The following PVT1 variants were observed in gnomAD, a reference collection of about 807,000 sequenced individuals.
PVT1 encodes Pvt1 oncogene, also known as CXCR4/PVT1 fusion.
chr8:128,004,092 T>C (rs1162971861), intron 4 of PVT1, among the ~76,000 whole-genome samples: 2 of 152,202 alleles, frequency 1.3e-5, no homozygotes, highest in Admixed American at 6.5e-5. Context: ...GGACCTCGTT[T>C]AACCTTACCA....
chr8:128,044,703 A>C (rs1324949614), intron 4 of PVT1, among the ~76,000 whole-genome samples: 2 of 152,260 alleles, frequency 1.3e-5, no homozygotes, highest in Non-Finnish European at 2.9e-5. Flanking sequence ...CAAGGATTTG[A>C]GATGTTCAAT....
intron 1 of PVT1, chr8:127,795,685 G>A: frequency 6.6e-6 from 1 of 152,238 alleles, no homozygotes; most frequent in Non-Finnish European, 1.5e-5. Context: ...TGTGTGGTGG[G>A]TGGGCGGGGG....
Position 128,022,885 on chromosome 8 carries a change from A to T in PVT1, n.912+33594A>T, listed in dbSNP as rs957147325. ...AGATTTTTTTTTTTTTTTTTTTTTTAAGACAGAGTCCCGCTCTGTGGCCCA... is the reference window on the plus strand; with the variant it reads ...AGATTTTTTTTTTTTTTTTTTTTTTTAGACAGAGTCCCGCTCTGTGGCCCA... On this transcript the variant is annotated intron_variant and non_coding_transcript_variant, in intron 4 of 10. Coordinates refer to ENST00000651587, the Ensembl canonical transcript of PVT1. Among the ~76,000 whole-genome samples, 32 of 116,630 alleles carry T rather than the reference A, an allele frequency of 2.7e-4. No individual in the cohort carries two copies. In the East Asian group the frequency reaches 6.7e-3, roughly 24 times the overall value. The allele number at this position is 116,630 out of a possible 152,430, so 76.5% of individuals were successfully genotyped here.
At chr8:127,975,977 T>TC (rs1314385981) in intron 3 of PVT1, among the ~76,000 whole-genome samples, 4 of 152,252 alleles carry the variant, frequency 2.6e-5, no homozygotes, top group African/African-American at 9.6e-5. Flanking sequence ...CCTGGAGCCC[T>TC]CCCTAGCTCT....
intron 3 of PVT1, among the ~76,000 whole-genome samples, chr8:127,907,300 C>T (rs1815835044): frequency 1.3e-5 from 2 of 152,200 alleles, no homozygotes; most frequent in South Asian, 2.1e-4. Flanking sequence ...GTTTCCAGAC[C>T]GCCTGCTTCC....
At chr8:128,093,127 C>G (rs1392265249) in intron 5 of PVT1, among the ~76,000 whole-genome samples, 3 of 152,100 alleles carry the variant, frequency 2.0e-5, no homozygotes, top group African/African-American at 7.2e-5. Context: ...TGCCATGTTC[C>G]TTAAGGAAAA....
At chr8:127,850,076 A>G (rs1490432434) in intron 2 of PVT1, among the ~76,000 whole-genome samples, 2 of 151,438 alleles carry the variant, frequency 1.3e-5, no homozygotes, top group Non-Finnish European at 2.9e-5. Flanking sequence ...CTGCTTGCAT[A>G]TGCATGGGTA....
chr8:127,822,480 G>A (rs1814744533), intron 2 of PVT1, among the ~76,000 whole-genome samples: 1 of 152,190 alleles, frequency 6.6e-6, no homozygotes, highest in African/African-American at 2.4e-5. Context: ...GGGAGACTGA[G>A]GCACAAGAAT....
At chr8:128,065,200 A>T (rs77947889) in intron 4 of PVT1, among the ~76,000 whole-genome samples, 13,663 of 50,318 alleles carry the variant, frequency 0.27, 1,508 homozygotes, top group African/African-American at 0.47. Flanking sequence ...TTTATTTTTT[A>T]TTTTTTTTTG....
chr8:128,063,845 A>G (rs1813863899), intron 4 of PVT1, among the ~76,000 whole-genome samples: 2 of 152,212 alleles, frequency 1.3e-5, no homozygotes, highest in African/African-American at 4.8e-5. Context: ...GTGGATGTAA[A>G]GTGTTCTTAC....
At chr8:128,054,851 G>A (rs910352465) in intron 4 of PVT1, among the ~76,000 whole-genome samples, 1 of 152,176 alleles carries the variant, frequency 6.6e-6, no homozygotes, top group Admixed American at 6.5e-5. Context: ...TTAAACACCA[G>A]TCCAGATGTC....
In PVT1 at chr8:127,922,579, C is replaced by G. The variant is rs865892749; in HGVS notation, n.782+31581C>G. 6.6e-5 allele frequency among the ~76,000 whole-genome samples: 10 copies of G among 152,300 alleles called. 1 individual carries two copies. The Middle Eastern group carries it at 0.02, about 311-fold the overall frequency. On this transcript the variant is annotated intron_variant and non_coding_transcript_variant, in intron 3 of 10. Transcript: ENST00000651587. Reference sequence around the variant, plus strand: ...TCTGAGCTACCTTCCTACCTCCATCCTTGCATTCATTAGGGGTTTCTTTAT... The same window carrying G: ...TCTGAGCTACCTTCCTACCTCCATCGTTGCATTCATTAGGGGTTTCTTTAT...
intron 2 of PVT1, among the ~76,000 whole-genome samples, chr8:127,865,183 T>G (rs980560092): frequency 6.6e-6 from 1 of 151,882 alleles, no homozygotes; most frequent in African/African-American, 2.4e-5. Context: ...GATGGGGAGG[T>G]GGTTGAAATC....
At chr8:127,880,891 G>A (rs529180798) in intron 2 of PVT1, among the ~76,000 whole-genome samples, 3 of 152,320 alleles carry the variant, frequency 2.0e-5, no homozygotes, top group Admixed American at 6.5e-5. Flanking sequence ...GAGCCACTGC[G>A]CTCAGCTTTC....
rs548854790 is a variant in PVT1 at position 127,999,579 on chromosome 8, A to C, written n.912+10288A>C. Among the ~76,000 whole-genome samples the C allele has an allele frequency of 5.3e-4, 80 of 151,934 alleles. 1 individual carries two copies. The highest frequency in any genetic ancestry group is 1.8e-3 in the African/African-American group (76 of 41,434). On this transcript the variant is annotated intron_variant and non_coding_transcript_variant, in intron 4 of 10. Transcript: ENST00000651587. ...CAGGTTCAAGCGATCCTCCTGCGTC[A>C]GCCTCCCGAGTAGCTGGGATTACAG...
chr8:127,980,133 C>G (rs143797643), intron 3 of PVT1, among the ~76,000 whole-genome samples: 94 of 152,184 alleles, frequency 6.2e-4, no homozygotes, highest in Non-Finnish European at 1.0e-3. Context: ...CTTCCTGCCT[C>G]GACCTCCTGA....
intron 4 of PVT1, among the ~76,000 whole-genome samples, chr8:128,033,962 G>T (rs2720685): frequency 0.4 from 61,092 of 152,010 alleles, 12,573 homozygotes; most frequent in African/African-American, 0.43. Flanking sequence ...ATTCCTGGGT[G>T]GCCAGAGTCA....
chr8:127,925,156 T>C (rs1816114163), intron 3 of PVT1, among the ~76,000 whole-genome samples: 3 of 152,200 alleles, frequency 2.0e-5, no homozygotes, highest in African/African-American at 4.8e-5. Context: ...CTTCTTTCAC[T>C]TGGTGTAATG....
intron 2 of PVT1, among the ~76,000 whole-genome samples, chr8:127,804,790 C>T (rs555756273): frequency 2.0e-5 from 3 of 151,482 alleles, no homozygotes; most frequent in African/African-American, 7.3e-5. Context: ...AACTCCTGAC[C>T]TCAAGTGATC....
Sources: allele counts gnomAD v4.1 joint callset (sites outside exome capture counted in the v4.1 genomes callset), GRCh38; gene constraint gnomAD v4.1.1; transcripts MANE v1.5; gene names NCBI Gene and HGNC (gene_info 2026-07-23, HGNC 2026-07-21).